PCMTD1: variants seen among roughly 807,000 people sequenced by gnomAD.
PCMTD1 encodes the protein protein-L-isoaspartate O-methyltransferase domain-containing protein 1.
PCMTD1 carries 12 observed loss-of-function variants against 37.6 expected under a neutral mutation model. The observed-to-expected ratio is 0.32, with a 90% CI of 0.20 to 0.52. The LOEUF (loss-of-function observed/expected upper bound fraction) is 0.52. Among genes scored for constraint, PCMTD1 ranks in the 20% least tolerant of loss-of-function variants. PCMTD1 has a pLI of 0.97. For missense variants in PCMTD1, 235 were observed against 421.3 expected, an observed-to-expected ratio of 0.56 and a Z score of 3.87; for synonymous variants, 117 against 135.8, an observed-to-expected ratio of 0.86 and a Z score of 0.96.
In PCMTD1 at chr8:51,898,956, C is replaced by T. The variant is rs1405273865; in HGVS notation, c.-122G>A. On this transcript the variant is annotated 5_prime_UTR_variant, in exon 1 of 6. Coordinates refer to ENST00000522514, the MANE Select transcript of PCMTD1 (RefSeq NM_052937.4). The stretch of plus-strand genomic sequence containing the variant: ...TGTGGCGCGGGCAGCGGCGCGCAGG[C>T]CAGGCGCTAGGACTCGGCGGGGTCC... The T allele has an allele frequency of 2.0e-6, 3 of 1,468,390 alleles. No individual in the cohort carries two copies. The African/African-American group carries it at 4.4e-5, about 21-fold the overall frequency. The allele number at this position is 1,468,390 out of a possible 1,614,324, so 91.0% of individuals were successfully genotyped here.
intron 1 of PCMTD1, among the ~76,000 whole-genome samples, chr8:51,895,805 T>C (rs2038991357): frequency 6.6e-6 from 1 of 152,204 alleles, no homozygotes; most frequent in Admixed American, 6.5e-5. Context: ...AGATACGCCA[T>C]TTAGGTATGA....
At chr8:51,868,648 G>A (rs1036234340) in intron 1 of PCMTD1, among the ~76,000 whole-genome samples, 3 of 152,106 alleles carry the variant, frequency 2.0e-5, no homozygotes, top group African/African-American at 4.8e-5. Context: ...TAATAAGACA[G>A]TCTAGGGCAG....
At chr8:51,855,167 T>C (rs1312669387) in intron 2 of PCMTD1, among the ~76,000 whole-genome samples, 8 of 87,714 alleles carry the variant, frequency 9.1e-5, no homozygotes, top group South Asian at 3.7e-4. Context: ...AGAGTGAAAC[T>C]CCATCTCAAA....
At chr8:51,845,436 T>C (rs143978672) in intron 3 of PCMTD1, 3 of 387,558 alleles carry the variant, frequency 7.7e-6, no homozygotes, top group Non-Finnish European at 1.4e-5. Context: ...ACATTACTAA[T>C]AAAGTTGTAG....
chr8:51,842,669 T>C (rs773090350), intron 3 of PCMTD1, among the ~76,000 whole-genome samples: 15 of 152,124 alleles, frequency 9.9e-5, no homozygotes, highest in Non-Finnish European at 1.8e-4. Context: ...TATATTCTAA[T>C]GCAGATTAGC....
chr8:51,899,120 A>AGCC (rs775180768), upstream of PCMTD1: 5 of 1,424,642 alleles, frequency 3.5e-6, no homozygotes, highest in Middle Eastern at 2.5e-4. Flanking sequence ...ATGCGCAGAG[A>AGCC]ACCACGGGCA....
intron 1 of PCMTD1, among the ~76,000 whole-genome samples, chr8:51,876,751 AAT>A (rs1469082395): frequency 6.6e-6 from 1 of 152,236 alleles, no homozygotes; most frequent in Non-Finnish European, 1.5e-5. Context: ...GATTGATGAT[AAT>A]AGTCATAAAA....
At chr8:51,882,808 A>C (rs2038809512) in intron 1 of PCMTD1, among the ~76,000 whole-genome samples, 1 of 141,094 alleles carries the variant, frequency 7.1e-6, no homozygotes, top group Non-Finnish European at 1.5e-5. Flanking sequence ...TTAGTTATGA[A>C]TAGCATACTT....
rs2038030586 is a variant in PCMTD1, at chr8:51,833,817, T to C, written c.411-128A>G. 4 of 577,514 alleles carry C rather than the reference T, an allele frequency of 6.9e-6. No homozygotes were observed. The East Asian group carries it at 1.3e-4, about 18-fold the overall frequency. The allele number at this position is 577,514 out of a possible 1,614,324, so 35.8% of individuals were successfully genotyped here. A position where few individuals can be genotyped will look rare whatever the true frequency, so the allele number is the denominator to read the frequency against. ...TTATAAGGATAAAATGATTATAAACTTTATTTAAATATAATATTTATTAAG... is the reference window on the plus strand; with the variant it reads ...TTATAAGGATAAAATGATTATAAACCTTATTTAAATATAATATTTATTAAG... On this transcript the variant is annotated intron_variant, in intron 3 of 5. Transcript: ENST00000522514.
chr8:51,834,886 T>C (rs1033548816), intron 3 of PCMTD1, among the ~76,000 whole-genome samples: 7 of 152,134 alleles, frequency 4.6e-5, no homozygotes, highest in Non-Finnish European at 7.3e-5. Context: ...GGGTCAAGGG[T>C]GTCCCTGTAC....
At chr8:51,870,205 C>T (rs1353810394) in intron 1 of PCMTD1, 2 of 152,228 alleles carry the variant, frequency 1.3e-5, no homozygotes, top group Non-Finnish European at 1.5e-5. Context: ...CTCTGCAAAA[C>T]TGAGGACTAA....
chr8:51,861,641 C>G (rs1186506356), intron 1 of PCMTD1, among the ~76,000 whole-genome samples: 1 of 152,074 alleles, frequency 6.6e-6, no homozygotes, highest in African/African-American at 2.4e-5. Context: ...TAGTGGCTAC[C>G]ATACTGGACA....
intron 2 of PCMTD1, among the ~76,000 whole-genome samples, chr8:51,859,974 G>C (rs537153313): frequency 6.6e-6 from 1 of 152,256 alleles, no homozygotes; most frequent in East Asian, 1.9e-4. Context: ...GTAGCGGCCA[G>C]TGAATATGGC....
intron 5 of PCMTD1, 61 bp downstream of exon 5, chr8:51,831,383 A>G: frequency 6.7e-7 from 1 of 1,500,782 alleles, no homozygotes; most frequent in East Asian, 2.3e-5. Context: ...CTTAAATCCC[A>G]AGCATAAAAG....
intron 1 of PCMTD1, among the ~76,000 whole-genome samples, chr8:51,873,660 T>C (rs1268384188): frequency 1.3e-5 from 2 of 151,838 alleles, no homozygotes; most frequent in Non-Finnish European, 2.9e-5. Context: ...TGATAGGGAG[T>C]GAGTTCTCCT....
At position 51,820,219 on chromosome 8, in the gene PCMTD1, A is replaced by C; in HGVS notation, c.*132T>G. On this transcript the variant is annotated 3_prime_UTR_variant, in exon 6 of 6. Coordinates refer to ENST00000522514, the MANE Select transcript of PCMTD1 (RefSeq NM_052937.4). ...TGAATACATCATTTGTGTTACTGAC[A>C]GAAACAAGTGATTTTTTTTCCACTA... The C allele has an allele frequency of 4.6e-6, 3 of 658,836 alleles. No individual in the cohort carries two copies. The highest frequency in any genetic ancestry group is 6.3e-6 in the Non-Finnish European group (3 of 475,436). The allele number at this position is 658,836 out of a possible 1,614,324, so 40.8% of individuals were successfully genotyped here.
intron 1 of PCMTD1, among the ~76,000 whole-genome samples, chr8:51,868,303 A>C (rs577926697): frequency 4.7e-4 from 71 of 152,288 alleles, no homozygotes; most frequent in African/African-American, 1.5e-3. Context: ...ATGGGAGCTA[A>C]AACCTTATCT....
At position 51,884,072 on chromosome 8, in the gene PCMTD1, TA is replaced by T. The variant is rs761723381; in HGVS notation, c.-96+14857del. The stretch of plus-strand genomic sequence containing the variant: ...AGTTTCTTTTCAATACATCCTAAAA[TA>T]AAAGCTACAAAATGTGACATTTTCT... On this transcript the variant is annotated intron_variant, in intron 1 of 5. Transcript: ENST00000522514. Among the ~76,000 whole-genome samples the T allele has an allele frequency of 6.6e-5, 10 of 152,302 alleles. No homozygotes were observed. The East Asian group carries it at 1.9e-3, about 29-fold the overall frequency.
chr8:51,822,650 A>T (rs1349311381), intron 5 of PCMTD1, among the ~76,000 whole-genome samples: 3 of 152,184 alleles, frequency 2.0e-5, no homozygotes, highest in African/African-American at 7.2e-5. Flanking sequence ...TTGACTGCAG[A>T]GTGTGTGCTG....
Sources: gnomAD v4.1 joint callset for allele counts (sites outside exome capture counted in the v4.1 genomes callset) on GRCh38, gnomAD v4.1.1 for gene constraint, MANE v1.5 for transcripts, NCBI Gene and HGNC (gene_info 2026-07-23, HGNC 2026-07-21) for gene names.